Variants in WDR59 observed in about 807,000 individuals in gnomAD.
The protein encoded by WDR59 is GATOR2 complex protein WDR59.
In WDR59, 100 loss-of-function variants were observed where a neutral mutation model predicts 131.2. The observed-to-expected ratio is 0.76, with a 90% CI of 0.65 to 0.90. The LOEUF (loss-of-function observed/expected upper bound fraction) is 0.90, where lower values mean the gene tolerates loss of function less well. WDR59 is among the 40% of genes least tolerant of loss of function. WDR59 has a pLI of 0.00. For missense variants in WDR59, 1,203 were observed against 1,262.2 expected (o/e 0.95, Z 0.71); for synonymous variants, 601 against 466.2 (o/e 1.29, Z -3.72).
intron 18 of WDR59, among the ~76,000 whole-genome samples, chr16:74,897,003 A>G (rs890378566): frequency 6.6e-6 from 1 of 152,206 alleles, no homozygotes; most frequent in Non-Finnish European, 1.5e-5. Context: ...GATTTTCAGT[A>G]TATAATTTTA....
intron 25 of WDR59, among the ~76,000 whole-genome samples, chr16:74,884,728 C>G (rs1468390282): frequency 6.6e-6 from 1 of 152,198 alleles, no homozygotes; most frequent in Non-Finnish European, 1.5e-5. Context: ...TGATATCACT[C>G]TTCTCCCCAC....
intron 19 of WDR59, 57 bp from the exon 20 acceptor site, chr16:74,892,622 C>T (rs11149776): frequency 0.25 from 351,972 of 1,381,072 alleles, 49,376 homozygotes; most frequent in African/African-American, 0.52. Flanking sequence ...CCCAAATCAA[C>T]GACTCCCAGT....
rs540267305 is a variant in WDR59, at chr16:74,922,517, C to T, written c.730-414G>A. Among the ~76,000 whole-genome samples the T allele has an allele frequency of 5.3e-5, 8 of 152,290 alleles. No individual in the cohort carries two copies. The South Asian group carries it at 1.2e-3, about 24-fold the overall frequency. The stretch of plus-strand genomic sequence containing the variant: ...GGAGCAGCAGACCTAATTCTTGCCA[C>T]GTGGAAATGCACCAGAAAAACGCCA... On this transcript the variant is annotated intron_variant, in intron 9 of 25. Transcript: ENST00000262144.
chr16:74,926,132 T>C (rs1310122769), intron 8 of WDR59, among the ~76,000 whole-genome samples: 1 of 148,796 alleles, frequency 6.7e-6, no homozygotes, highest in Admixed American at 6.8e-5. Context: ...TGATCTCGGC[T>C]CACTGCAACC....
chr16:74,939,835 A>T (rs113394743), intron 7 of WDR59, among the ~76,000 whole-genome samples: 81 of 152,104 alleles, frequency 5.3e-4, no homozygotes, highest in African/African-American at 1.8e-3. Flanking sequence ...CAAGAAAAAA[A>T]TTTTTTTAAT....
At position 74,972,323 on chromosome 16, in the gene WDR59, G is replaced by A. The variant is rs374712171; in HGVS notation, c.55-6501C>T. Among the ~76,000 whole-genome samples, 23 of 152,218 alleles carry A rather than the reference G, an allele frequency of 1.5e-4. 3 individuals are homozygous for A. The highest frequency in any genetic ancestry group is 1.0e-3 in the South Asian group (5 of 4,822). ...AAATCAATTCCATGAGACTCTATTA[G>A]ACTACAAATTGCTGCTGTCCTCGTT... On this transcript the variant is annotated intron_variant, in intron 1 of 25. Transcript: ENST00000262144.
intron 23 of WDR59, 139 bp from the exon 24 acceptor site, chr16:74,886,535 A>G: frequency 8.7e-7 from 1 of 1,150,898 alleles, no homozygotes; most frequent in Non-Finnish European, 1.2e-6. Flanking sequence ...TGAGAAATAT[A>G]ACTAAATAGA....
intron 2 of WDR59, among the ~76,000 whole-genome samples, chr16:74,964,024 C>G (rs183564870): frequency 2.0e-5 from 3 of 151,548 alleles, no homozygotes; most frequent in Admixed American, 1.3e-4. Context: ...AGACCCTCAT[C>G]TCTAAAAAAA....
At chr16:74,912,404 A>G (rs1178389226) in intron 13 of WDR59, 42 bp from the exon 14 acceptor site, 2 of 1,590,448 alleles carry the variant, frequency 1.3e-6, no homozygotes, top group Non-Finnish European at 1.7e-6. Context: ...AACAAACCAT[A>G]AAGCGTCTTT....
At chr16:74,890,694 C>CTT (rs1183159831) in intron 20 of WDR59, among the ~76,000 whole-genome samples, 4 of 152,182 alleles carry the variant, frequency 2.6e-5, no homozygotes, top group Non-Finnish European at 5.9e-5. Context: ...AATACCTCCC[C>CTT]GACTTGAAAT....
intron 18 of WDR59, among the ~76,000 whole-genome samples, chr16:74,895,153 G>C (rs1226941091): frequency 1.3e-5 from 2 of 152,216 alleles, no homozygotes; most frequent in African/African-American, 4.8e-5. Flanking sequence ...TGTGGAGTTA[G>C]TTCAGGGCAG....
intron 24 of WDR59, 74 bp downstream of exon 24, chr16:74,886,196 A>AAAAAAAAAAAGCAATT: frequency 6.9e-7 from 1 of 1,457,840 alleles, no homozygotes; most frequent in Non-Finnish European, 9.3e-7. Context: ...AAAAAGTAAG[A>AAAAAAAAAAAGCAATT]GTTGTGATTG....
chr16:74,899,758 T>C (rs1226972397), intron 18 of WDR59: 1 of 1,289,084 alleles, frequency 7.8e-7, no homozygotes. Context: ...GAGACATCTG[T>C]GCATGAAAAC....
chr16:74,893,930 C>T, intron 18 of WDR59, 118 bp from the exon 19 acceptor site: 1 of 1,128,762 alleles, frequency 8.9e-7, no homozygotes, highest in South Asian at 1.6e-5. Flanking sequence ...TTACATCATG[C>T]CCACAATTAT....
chr16:74,885,759 G>A lies in WDR59; in HGVS notation c.2583C>T (p.Asp861=), dbSNP rs753769332. ...GGATTTCCCCATAGCATTTCTTAAAGTCATCAAATTGCTGGGTATTGGCGG... is the reference window on the plus strand; with the variant it reads ...GGATTTCCCCATAGCATTTCTTAAAATCATCAAATTGCTGGGTATTGGCGG... ...LDPANTQQFD[D]FKKCYGEILY... Residue 861 remains aspartate, a synonymous_variant, in exon 25 of 26, where the codon GAC becomes GAT. Transcript: ENST00000262144. 1 of 1,614,150 alleles carries A rather than the reference G, an allele frequency of 6.2e-7. No individual in the cohort carries two copies. Among genetic ancestry groups the A allele is most frequent in the Non-Finnish European group, 8.5e-7 (1 of 1,180,022 alleles).
rs1597758487 is a variant in WDR59 at position 74,940,774 on chromosome 16, C to T, written c.534+1964G>A. 2.0e-5 allele frequency among the ~76,000 whole-genome samples: 3 copies of T among 152,020 alleles called. No individual in the cohort carries two copies. In the South Asian group the frequency reaches 6.2e-4, roughly 32 times the overall value. On this transcript the variant is annotated intron_variant, in intron 7 of 25. Coordinates refer to ENST00000262144, the MANE Select transcript of WDR59 (RefSeq NM_030581.4). ...AGGCTGGAGTGCAGTGGCGCGATCT[C>T]GGCTCACTGCAAGCTCCGCCTCCCG...
chr16:74,892,701 G>T, intron 19 of WDR59, 136 bp from the exon 20 acceptor site: 1 of 693,214 alleles, frequency 1.4e-6, no homozygotes, highest in Non-Finnish European at 2.4e-6. Context: ...TTGGCCTTGG[G>T]CCCCCTTTCT....
At chr16:74,948,630 A>G in intron 5 of WDR59, 74 bp from the exon 6 acceptor site, 1 of 1,256,640 alleles carries the variant, frequency 8.0e-7, no homozygotes, top group South Asian at 1.2e-5. Context: ...CACCCTTTGC[A>G]CACAATTCTT....
At chr16:74,966,217 C>A (rs1466722961) in intron 1 of WDR59, among the ~76,000 whole-genome samples, 1 of 152,118 alleles carries the variant, frequency 6.6e-6, no homozygotes, top group Non-Finnish European at 1.5e-5. Flanking sequence ...GGGTGGCTCA[C>A]ACCTGTAATC....
Sources: allele counts gnomAD v4.1 joint callset (sites outside exome capture counted in the v4.1 genomes callset), GRCh38; gene constraint gnomAD v4.1.1; transcripts MANE v1.5; gene names NCBI Gene and HGNC (gene_info 2026-07-23, HGNC 2026-07-21).